The following TGFBR3 variants were observed in gnomAD, a reference collection of about 807,000 sequenced individuals.
TGFBR3 encodes transforming growth factor beta receptor 3.
A neutral mutation model predicts 87.9 loss-of-function variants in TGFBR3; 46 were observed. The ratio of observed to expected loss-of-function variants is 0.52; its 90% CI spans 0.41 to 0.67. The LOEUF (loss-of-function observed/expected upper bound fraction) is 0.67. TGFBR3 is among the 30% of genes least tolerant of loss of function. The pLI, the probability that TGFBR3 is intolerant of heterozygous loss-of-function variation, is 0.00. For missense variants in TGFBR3, 866 were observed against 1,041.9 expected, an observed-to-expected ratio of 0.83 and a Z score of 2.32; for synonymous variants, 381 against 391.6, an observed-to-expected ratio of 0.97 and a Z score of 0.32.
chr1:91,889,467 G>A (rs539820305), upstream of TGFBR3, among the ~76,000 whole-genome samples: 3 of 152,194 alleles, frequency 2.0e-5, no homozygotes, highest in East Asian at 1.9e-4. Flanking sequence ...TTTAGTTTCA[G>A]TAGATGATAT....
intron 3 of TGFBR3, among the ~76,000 whole-genome samples, chr1:91,762,836 G>A (rs1420004232): frequency 2.0e-5 from 3 of 152,340 alleles, no homozygotes; most frequent in Non-Finnish European, 1.5e-5. Flanking sequence ...ATTCAAAGCA[G>A]ATCTTCTGAG....
intron 14 of TGFBR3, among the ~76,000 whole-genome samples, chr1:91,703,481 C>G (rs1006254901): frequency 6.6e-6 from 1 of 152,112 alleles, no homozygotes; most frequent in African/African-American, 2.4e-5. Context: ...ATTTAACTTG[C>G]TAAGAATTAA....
chr1:91,795,205 A>G (rs1452292164), intron 3 of TGFBR3, among the ~76,000 whole-genome samples: 1 of 152,230 alleles, frequency 6.6e-6, no homozygotes, highest in Non-Finnish European at 1.5e-5. Flanking sequence ...TTGAACTACA[A>G]CCATCTAATT....
chr1:91,837,595 G>C lies in TGFBR3; in HGVS notation c.61+23876C>G, dbSNP rs573036784. ...CGAGTCTACTTCAACAGAGACATCA[G>C]TGGTATATTTAGAACCCATTAACAA... On this transcript the variant is annotated intron_variant, in intron 2 of 16. Coordinates refer to ENST00000212355, the MANE Select transcript of TGFBR3 (RefSeq NM_003243.5). Among the ~76,000 whole-genome samples, 65 of 152,244 alleles carry C rather than the reference G, an allele frequency of 4.3e-4. 1 individual carries two copies. The highest frequency in any genetic ancestry group is 9.6e-4 in the East Asian group (5 of 5,184).
intron 5 of TGFBR3, among the ~76,000 whole-genome samples, chr1:91,732,927 T>C (rs1482966343): frequency 6.6e-6 from 1 of 152,224 alleles, no homozygotes; most frequent in East Asian, 1.9e-4. Context: ...AATGTTATTA[T>C]AACAAATTTT....
chr1:91,895,709 A>G (rs1467477093), intron 2 of TGFBR3, among the ~76,000 whole-genome samples: 1 of 152,190 alleles, frequency 6.6e-6, no homozygotes, highest in East Asian at 1.9e-4. Flanking sequence ...TTGAACTTCA[A>G]AGTCATGTAT....
At chr1:91,745,010 G>A (rs1395389799) in intron 4 of TGFBR3, among the ~76,000 whole-genome samples, 3 of 18,266 alleles carry the variant, frequency 1.6e-4, no homozygotes, top group African/African-American at 5.4e-4. Context: ...AATCTCAAAC[G>A]CACGCGTACA....
chr1:91,695,076 T>C (rs1352583698), intron 16 of TGFBR3, among the ~76,000 whole-genome samples: 3 of 151,082 alleles, frequency 2.0e-5, no homozygotes, highest in Non-Finnish European at 4.4e-5. Context: ...GATTGAGGGA[T>C]AATAGCTTGA....
chr1:91,768,935 T>C (rs1248381482), intron 3 of TGFBR3, among the ~76,000 whole-genome samples: 2 of 152,192 alleles, frequency 1.3e-5, no homozygotes, highest in Non-Finnish European at 2.9e-5. Flanking sequence ...TGGCCACATC[T>C]CCCGTAACCC....
intron 3 of TGFBR3, among the ~76,000 whole-genome samples, chr1:91,769,947 G>T (rs890905253): frequency 2.6e-5 from 4 of 152,162 alleles, no homozygotes; most frequent in African/African-American, 9.7e-5. Flanking sequence ...GTTGAAGAAT[G>T]ATCAAAGTAA....
intron 2 of TGFBR3, among the ~76,000 whole-genome samples, chr1:91,799,496 G>T (rs543063146): frequency 6.6e-6 from 1 of 152,264 alleles, no homozygotes; most frequent in South Asian, 2.1e-4. Flanking sequence ...GGGATGTCTG[G>T]TATACTTCAC....
chr1:91,685,892 CAT>C (rs1557655950), intron 16 of TGFBR3, among the ~76,000 whole-genome samples: 1 of 152,218 alleles, frequency 6.6e-6, no homozygotes, highest in African/African-American at 2.4e-5. Context: ...TTACAAACCA[CAT>C]GTTGGTCCAT....
intron 16 of TGFBR3, among the ~76,000 whole-genome samples, chr1:91,684,734 A>C (rs17882569): frequency 6.6e-6 from 1 of 152,230 alleles, no homozygotes; most frequent in Admixed American, 6.5e-5. Context: ...AACCGGCCTC[A>C]GTGCAACCCT....
intron 2 of TGFBR3, among the ~76,000 whole-genome samples, chr1:91,852,023 G>A (rs1449208067): frequency 6.6e-6 from 1 of 152,184 alleles, no homozygotes; most frequent in East Asian, 1.9e-4. Context: ...GCCAAGGCAG[G>A]TGGATTGCTT....
At chr1:91,739,058 G>GA (rs541191673) in intron 4 of TGFBR3, among the ~76,000 whole-genome samples, 87 of 152,322 alleles carry the variant, frequency 5.7e-4, no homozygotes, top group African/African-American at 2.0e-3. Context: ...ACAGGGCTGA[G>GA]AGGAGGTTGG....
intron 3 of TGFBR3, among the ~76,000 whole-genome samples, chr1:91,764,317 C>CAAAAAAAAAAAAAAAAA (rs200776741): frequency 3.9e-5 from 3 of 77,386 alleles, no homozygotes; most frequent in Non-Finnish European, 6.8e-5. Flanking sequence ...ACAAAAGAGA[C>CAAAAAAAAAAAAAAAAA]AAAAAAAAAA....
intron 2 of TGFBR3, among the ~76,000 whole-genome samples, chr1:91,808,969 C>T (rs1263691416): frequency 1.3e-5 from 2 of 152,080 alleles, no homozygotes; most frequent in Non-Finnish European, 2.9e-5. Flanking sequence ...TCTTTTTTCT[C>T]CTACCCTATG....
At chr1:91,896,869 G>C (rs1679562645) in intron 2 of TGFBR3, among the ~76,000 whole-genome samples, 1 of 150,916 alleles carries the variant, frequency 6.6e-6, no homozygotes, top group Non-Finnish European at 1.5e-5. Flanking sequence ...AGAAAGGAAG[G>C]AAGCCCTCAT....
At chr1:91,773,578 G>A (rs1262448173) in intron 3 of TGFBR3, among the ~76,000 whole-genome samples, 2 of 152,220 alleles carry the variant, frequency 1.3e-5, no homozygotes, top group Admixed American at 6.5e-5. Context: ...CTAATCAGGA[G>A]GCTGAGGCAG....
Sources: gnomAD v4.1 joint callset for allele counts (sites outside exome capture counted in the v4.1 genomes callset) on GRCh38, gnomAD v4.1.1 for gene constraint, MANE v1.5 for transcripts, NCBI Gene and HGNC (gene_info 2026-07-23, HGNC 2026-07-21) for gene names.